Variants in CFAP299 observed in about 807,000 individuals in gnomAD.
The protein encoded by CFAP299 is cilia and flagella associated protein 299, also known as cilia- and flagella-associated protein 299.
A neutral mutation model predicts 27.0 loss-of-function variants in CFAP299; 21 were observed. The observed-to-expected ratio is 0.78, with a 90% CI of 0.55 to 1.12. The LOEUF is 1.12. Among genes scored for constraint, CFAP299 ranks in the 50% most tolerant of loss-of-function variants. The pLI, the probability that CFAP299 is intolerant of heterozygous loss-of-function variation, is 0.00. For missense variants in CFAP299, 310 were observed against 276.6 expected, an observed-to-expected ratio of 1.12 and a Z score of -0.86; for synonymous variants, 104 against 98.1, an observed-to-expected ratio of 1.06 and a Z score of -0.36.
At chr4:80,517,577 A>G (rs1732647114) in intron 2 of CFAP299, among the ~76,000 whole-genome samples, 1 of 152,224 alleles carries the variant, frequency 6.6e-6, no homozygotes. Flanking sequence ...GAAACGATGT[A>G]GCCAGAGATT....
At chr4:80,852,166 C>T (rs1276012869) in intron 3 of CFAP299, among the ~76,000 whole-genome samples, 1 of 152,014 alleles carries the variant, frequency 6.6e-6, no homozygotes, top group African/African-American at 2.4e-5. Context: ...TCTTTCTTGC[C>T]CTGTTCCAAG....
At chr4:80,362,997 T>C in intron 2 of CFAP299, 113 bp downstream of exon 2, 1 of 1,194,042 alleles carries the variant, frequency 8.4e-7, no homozygotes, top group Non-Finnish European at 1.1e-6. Context: ...AGGTAAAACT[T>C]GGAATATCCT....
intron 4 of CFAP299, among the ~76,000 whole-genome samples, chr4:80,922,236 A>G (rs1303201471): frequency 6.6e-6 from 1 of 152,042 alleles, no homozygotes; most frequent in Non-Finnish European, 1.5e-5. Flanking sequence ...GACTCTGTTC[A>G]CTGTTTTTGA....
intron 2 of CFAP299, among the ~76,000 whole-genome samples, chr4:80,494,027 G>A (rs982368461): frequency 5.3e-5 from 8 of 151,698 alleles, no homozygotes; most frequent in African/African-American, 1.5e-4. Context: ...CACCCGCCTC[G>A]GCCTCCCAAA....
intron 2 of CFAP299, among the ~76,000 whole-genome samples, chr4:80,484,173 A>G (rs1019721375): frequency 6.6e-6 from 1 of 152,096 alleles, no homozygotes; most frequent in Non-Finnish European, 1.5e-5. Context: ...ATTTATAGGA[A>G]GTTAGTATGG....
intron 4 of CFAP299, among the ~76,000 whole-genome samples, chr4:80,909,187 T>C (rs891247189): frequency 1.4e-4 from 22 of 152,084 alleles, no homozygotes; most frequent in African/African-American, 2.7e-4. Context: ...CTTTTTTTTT[T>C]CTACTACTTA....
intron 2 of CFAP299, chr4:80,386,608 C>T: frequency 6.3e-7 from 1 of 1,598,500 alleles, no homozygotes; most frequent in Non-Finnish European, 8.6e-7. Context: ...GGAAAAAGCC[C>T]TTGGCACAGC....
intron 4 of CFAP299, among the ~76,000 whole-genome samples, chr4:80,932,698 C>G (rs774915922): frequency 6.6e-6 from 1 of 152,080 alleles, no homozygotes; most frequent in Non-Finnish European, 1.5e-5. Context: ...AAATCTATGG[C>G]AAAACTTTGG....
chr4:80,672,820 G>A (rs544049873), intron 3 of CFAP299, among the ~76,000 whole-genome samples: 1 of 152,008 alleles, frequency 6.6e-6, no homozygotes, highest in African/African-American at 2.4e-5. Flanking sequence ...TCTGAAGGCA[G>A]TTTGTATTTC....
intron 2 of CFAP299, among the ~76,000 whole-genome samples, chr4:80,458,270 C>G (rs1057360477): frequency 2.0e-5 from 3 of 152,082 alleles, no homozygotes; most frequent in Non-Finnish European, 4.4e-5. Flanking sequence ...CTTTTTCTTC[C>G]TGAGTTAAAG....
At chr4:80,899,365 C>G (rs1041558387) in intron 4 of CFAP299, among the ~76,000 whole-genome samples, 2 of 152,046 alleles carry the variant, frequency 1.3e-5, no homozygotes, top group Non-Finnish European at 2.9e-5. Flanking sequence ...AGAATGCAAC[C>G]AACTAGAGTA....
chr4:80,860,438 C>T (rs1732252420), intron 3 of CFAP299, among the ~76,000 whole-genome samples: 1 of 152,160 alleles, frequency 6.6e-6, no homozygotes, highest in Non-Finnish European at 1.5e-5. Flanking sequence ...CAGCTTTGTT[C>T]CATTGCTGGT....
intron 2 of CFAP299, among the ~76,000 whole-genome samples, chr4:80,507,279 G>A (rs1732081893): frequency 6.6e-6 from 1 of 152,170 alleles, no homozygotes; most frequent in Non-Finnish European, 1.5e-5. Context: ...ACATTTCAGA[G>A]TGACAAGCCC....
chr4:80,842,488 A>G (rs1380853095), intron 3 of CFAP299, among the ~76,000 whole-genome samples: 2 of 152,148 alleles, frequency 1.3e-5, no homozygotes, highest in Non-Finnish European at 2.9e-5. Flanking sequence ...GTTTTCTGTG[A>G]TCAATAAAAT....
chr4:80,687,241 A>T (rs1409440304), intron 3 of CFAP299, among the ~76,000 whole-genome samples: 1 of 151,994 alleles, frequency 6.6e-6, no homozygotes, highest in Non-Finnish European at 1.5e-5. Flanking sequence ...TGTTTATTAA[A>T]TCCCCATATT....
intron 1 of CFAP299, among the ~76,000 whole-genome samples, chr4:80,358,870 G>C (rs146108622): frequency 0.018 from 2,722 of 152,202 alleles, 36 homozygotes; most frequent in Non-Finnish European, 0.023. Flanking sequence ...CACAGTTTTA[G>C]CTAGTTATTT....
At chr4:80,714,641 C>A (rs531340913) in intron 3 of CFAP299, among the ~76,000 whole-genome samples, 3 of 152,104 alleles carry the variant, frequency 2.0e-5, no homozygotes, top group Non-Finnish European at 4.4e-5. Flanking sequence ...AGAAAACGCT[C>A]TCCTTTAACA....
chr4:80,805,425 A>C (rs1056319164), intron 3 of CFAP299, among the ~76,000 whole-genome samples: 6 of 152,188 alleles, frequency 3.9e-5, no homozygotes, highest in Non-Finnish European at 8.8e-5. Flanking sequence ...GAACTATATC[A>C]CTTTCATTCA....
chr4:80,563,629 T>G (rs1560626521), intron 2 of CFAP299, among the ~76,000 whole-genome samples: 1 of 151,442 alleles, frequency 6.6e-6, no homozygotes, highest in African/African-American at 2.4e-5. Context: ...TAGTGATGCA[T>G]CATAAAGACC....
Sources: allele counts gnomAD v4.1 joint callset (sites outside exome capture counted in the v4.1 genomes callset), GRCh38; gene constraint gnomAD v4.1.1; transcripts MANE v1.5; gene names NCBI Gene and HGNC (gene_info 2026-07-23, HGNC 2026-07-21).